Variants in CNTNAP2 observed in about 807,000 individuals in gnomAD.
CNTNAP2 encodes the protein contactin associated protein 2.
A neutral mutation model predicts 155.2 loss-of-function variants in CNTNAP2; 98 were observed. That is an observed-to-expected ratio of 0.63 (90% CI 0.54 to 0.75). CNTNAP2 has a LOEUF of 0.75. Ranked by LOEUF, CNTNAP2 falls within the 30% of genes least tolerant of loss-of-function variation. The pLI is 0.00. For missense variants in CNTNAP2, 1,727 were observed against 1,688.1 expected, an observed-to-expected ratio of 1.02 and a Z score of -0.40; for synonymous variants, 651 against 631.2, an observed-to-expected ratio of 1.03 and a Z score of -0.47.
chr7:146,345,659 C>G (rs149291116), intron 1 of CNTNAP2, among the ~76,000 whole-genome samples: 121 of 152,314 alleles, frequency 7.9e-4, no homozygotes, highest in African/African-American at 2.7e-3. Context: ...CACTCCACTT[C>G]ACTTTCAATA....
At chr7:147,518,261 T>C (rs1799165178) in intron 11 of CNTNAP2, among the ~76,000 whole-genome samples, 1 of 152,154 alleles carries the variant, frequency 6.6e-6, no homozygotes, top group Admixed American at 6.5e-5. Context: ...ACTAAGAGAC[T>C]AACTTCTGTT....
At chr7:146,304,335 T>C (rs1412921295) in intron 1 of CNTNAP2, among the ~76,000 whole-genome samples, 1 of 152,062 alleles carries the variant, frequency 6.6e-6, no homozygotes, top group Non-Finnish European at 1.5e-5. Flanking sequence ...GCTCTTTTGC[T>C]CGTTAGTTGA....
intron 3 of CNTNAP2, among the ~76,000 whole-genome samples, chr7:146,978,003 G>T (rs570857522): frequency 3.9e-5 from 6 of 152,002 alleles, no homozygotes; most frequent in Non-Finnish European, 8.8e-5. Flanking sequence ...ATATAGAAAA[G>T]GTCTTAAATG....
At chr7:147,499,487 C>T (rs1055006505) in intron 11 of CNTNAP2, among the ~76,000 whole-genome samples, 1 of 152,046 alleles carries the variant, frequency 6.6e-6, no homozygotes, top group Non-Finnish European at 1.5e-5. Flanking sequence ...CAAGATAGTG[C>T]CACCGCACTC....
intron 3 of CNTNAP2, among the ~76,000 whole-genome samples, chr7:146,870,014 A>G (rs555156007): frequency 1.3e-5 from 2 of 152,116 alleles, no homozygotes; most frequent in Admixed American, 6.6e-5. Flanking sequence ...TTTGCATCAT[A>G]GTTCATCAAT....
intron 10 of CNTNAP2, among the ~76,000 whole-genome samples, chr7:147,401,928 C>T (rs826662): frequency 0.13 from 19,391 of 148,456 alleles, 1,503 homozygotes; most frequent in East Asian, 0.32. Flanking sequence ...GTTATAGCAA[C>T]GTGAAAATGG....
intron 3 of CNTNAP2, among the ~76,000 whole-genome samples, chr7:147,041,696 G>A (rs1012086511): frequency 2.0e-5 from 3 of 152,052 alleles, no homozygotes; most frequent in Admixed American, 6.6e-5. Context: ...TTTATTTTAG[G>A]CCTCATAAGA....
At chr7:147,867,559 A>G (rs1226391451) in intron 13 of CNTNAP2, among the ~76,000 whole-genome samples, 1 of 151,998 alleles carries the variant, frequency 6.6e-6, no homozygotes, top group Admixed American at 6.5e-5. Flanking sequence ...ACTTGGTTGT[A>G]TTCTCCCCAT....
intron 1 of CNTNAP2, among the ~76,000 whole-genome samples, chr7:146,182,238 CTTTT>C (rs1321821406): frequency 6.6e-6 from 1 of 152,152 alleles, no homozygotes; most frequent in African/African-American, 2.4e-5. Context: ...ACAAGAGAAT[CTTTT>C]TGTTTGTTTG....
At chr7:146,569,601 C>G (rs1277207245) in intron 1 of CNTNAP2, among the ~76,000 whole-genome samples, 2 of 152,146 alleles carry the variant, frequency 1.3e-5, no homozygotes, top group African/African-American at 4.8e-5. Context: ...TTGAAAAATA[C>G]TGCAATAATT....
At chr7:148,414,257 A>G (rs1357265916) in intron 23 of CNTNAP2, among the ~76,000 whole-genome samples, 1 of 151,760 alleles carries the variant, frequency 6.6e-6, no homozygotes, top group Non-Finnish European at 1.5e-5. Flanking sequence ...TTGTACTTTT[A>G]GTATAAAAGA....
At chr7:147,667,289 A>G (rs770372886) in intron 13 of CNTNAP2, among the ~76,000 whole-genome samples, 1 of 152,228 alleles carries the variant, frequency 6.6e-6, no homozygotes, top group Non-Finnish European at 1.5e-5. Flanking sequence ...AATCTTCAGT[A>G]TGAAGGAAAC....
chr7:147,047,100 T>C (rs1403859309), intron 4 of CNTNAP2, among the ~76,000 whole-genome samples: 18 of 146,836 alleles, frequency 1.2e-4, no homozygotes, highest in African/African-American at 4.2e-4. Flanking sequence ...AGTTAAGTTA[T>C]GTTTCTTTTT....
chr7:147,910,634 T>C (rs1281988846), intron 14 of CNTNAP2, among the ~76,000 whole-genome samples: 1 of 152,148 alleles, frequency 6.6e-6, no homozygotes, highest in Non-Finnish European at 1.5e-5. Context: ...CTCACAATCA[T>C]GGCAGAAGGC....
At chr7:147,517,534 T>C (rs1799149242) in intron 11 of CNTNAP2, among the ~76,000 whole-genome samples, 1 of 152,198 alleles carries the variant, frequency 6.6e-6, no homozygotes, top group South Asian at 2.1e-4. Flanking sequence ...AAGCTATTTC[T>C]GAAAATGCAC....
chr7:148,266,906 C>A, intron 20 of CNTNAP2, 127 bp from the exon 21 acceptor site: 1 of 857,778 alleles, frequency 1.2e-6, no homozygotes, highest in South Asian at 1.4e-5. Context: ...GTTTTAGAGT[C>A]AGTGCTGATG....
chr7:146,798,378 G>C (rs951403151), intron 2 of CNTNAP2, among the ~76,000 whole-genome samples: 3 of 152,066 alleles, frequency 2.0e-5, no homozygotes, highest in Non-Finnish European at 4.4e-5. Flanking sequence ...GTCTGGCTCT[G>C]TTGCCCAAGC....
Position 147,718,157 on chromosome 7 carries a change from T to C in CNTNAP2, c.2098+78851T>C, listed in dbSNP as rs137910025. 1.8e-3 allele frequency among the ~76,000 whole-genome samples: 270 copies of C among 152,250 alleles called. 1 individual carries two copies. The highest frequency in any genetic ancestry group is 3.4e-3 in the Non-Finnish European group (230 of 68,004). Reference sequence around the variant, plus strand: ...AAATGTGCCTAGCCAAGTTAATTTATTTATTTTACTTTGACCGTGGAAGCA... The same window carrying C: ...AAATGTGCCTAGCCAAGTTAATTTACTTATTTTACTTTGACCGTGGAAGCA... On this transcript the variant is annotated intron_variant, in intron 13 of 23. Coordinates refer to ENST00000361727, the MANE Select transcript of CNTNAP2 (RefSeq NM_014141.6).
intron 19 of CNTNAP2, among the ~76,000 whole-genome samples, chr7:148,218,523 C>T (rs1002854346): frequency 8.5e-5 from 13 of 152,094 alleles, no homozygotes; most frequent in African/African-American, 2.9e-4. Flanking sequence ...TCCCAAGTAG[C>T]CGGGATCACA....
Sources: allele counts gnomAD v4.1 joint callset (sites outside exome capture counted in the v4.1 genomes callset), GRCh38; gene constraint gnomAD v4.1.1; transcripts MANE v1.5; gene names NCBI Gene and HGNC (gene_info 2026-07-23, HGNC 2026-07-21).